Variants in ZFP30 observed in about 807,000 individuals in gnomAD.
ZFP30 encodes the protein zinc finger protein 30 homolog.
In ZFP30, 16 loss-of-function variants were observed where a neutral mutation model predicts 12.3. The observed-to-expected ratio is 1.30, with a 90% CI of 0.88 to 1.98. The LOEUF is 1.98. Ranked by LOEUF, ZFP30 falls within the 30% of genes most tolerant of loss-of-function variation. The probability of loss-of-function intolerance (pLI) is 0.00; values close to 1 mark genes in which losing one functional copy is unlikely to be tolerated. For synonymous variants in ZFP30, 172 were observed against 201.0 expected, an observed-to-expected ratio of 0.86 and a Z score of 1.22; for missense variants, 560 against 611.2, an observed-to-expected ratio of 0.92 and a Z score of 0.88.
chr19:37,651,887 G>A (rs2044658464), intron 2 of ZFP30, among the ~76,000 whole-genome samples: 1 of 150,636 alleles, frequency 6.6e-6, no homozygotes, highest in Admixed American at 6.6e-5. Context: ...CTAAATTTTA[G>A]AAAACAGTTA....
rs1057173195 is a variant in ZFP30, at chr19:37,655,430, G to C, written c.-256C>G. 2.0e-5 allele frequency: 3 copies of C among 152,466 alleles called. No homozygotes were observed. The highest frequency in any genetic ancestry group is 7.2e-5 in the African/African-American group (3 of 41,484). The allele number at this position is 152,466 out of a possible 1,614,324, so 9.4% of individuals were successfully genotyped here. On this transcript the variant is annotated 5_prime_UTR_variant, in exon 1 of 6. Transcript: ENST00000684514. ...CAGCCCCAGCCTCACCCGACTCAGA[G>C]GATAGCCCAGCCCTGGGAGTCAGCG...
chr19:37,654,929 G>C (rs905943008), intron 1 of ZFP30, 50 bp from the exon 2 acceptor site: 1 of 152,218 alleles, frequency 6.6e-6, no homozygotes, highest in Non-Finnish European at 1.5e-5. Flanking sequence ...AGTCACCCGC[G>C]TCTGGGTTCG....
At chr19:37,654,168 G>A (rs902035126) in intron 2 of ZFP30, among the ~76,000 whole-genome samples, 1 of 152,066 alleles carries the variant, frequency 6.6e-6, no homozygotes, top group African/African-American at 2.4e-5. Flanking sequence ...GCTTAAACTC[G>A]TTCAGATTTA....
rs775454375 is a variant in ZFP30, at chr19:37,635,094, G to C, written c.1447C>G (p.Gln483Glu). Residue 483 changes from glutamine to glutamate, a missense_variant, in exon 6 of 6, where the codon CAA (glutamine) becomes GAA (glutamate). By Grantham distance (29) the Gln-to-Glu change is conservative (BLOSUM62 2). Coordinates refer to ENST00000684514, the MANE Select transcript of ZFP30 (RefSeq NM_001320669.3). ...KAFRLHSSLI[Q>E]HQRIHSGEKP... ...TCACCAGAATGAATTCTCTGATGTT[G>C]AATCAGTGATGAATGAAGTCTAAAG... The C allele has an allele frequency of 1.2e-6, 2 of 1,613,560 alleles. No homozygotes were observed. Among genetic ancestry groups the C allele is most frequent in the Non-Finnish European group, 1.7e-6 (2 of 1,179,762 alleles).
chr19:37,638,716 C>A (rs2044377591), intron 5 of ZFP30, among the ~76,000 whole-genome samples: 1 of 152,010 alleles, frequency 6.6e-6, no homozygotes, highest in African/African-American at 2.4e-5. Context: ...GGTGAATAAA[C>A]AAAACTAGAC....
chr19:37,636,747 G>T (rs1450305142), intron 5 of ZFP30, among the ~76,000 whole-genome samples: 1 of 150,898 alleles, frequency 6.6e-6, no homozygotes. Context: ...CGGAGTCTCT[G>T]TCGCCCAGGT....
rs1041662900 is a variant in ZFP30, at chr19:37,633,754, T to C, written c.*1227A>G. The C allele has an allele frequency of 6.6e-6, 1 of 152,170 alleles. No individual in the cohort carries two copies. Among genetic ancestry groups the C allele is most frequent in the African/African-American group, 2.4e-5 (1 of 41,440 alleles). The allele number at this position is 152,170 out of a possible 1,614,324, so 9.4% of individuals were successfully genotyped here. A position where few individuals can be genotyped will look rare whatever the true frequency, so the allele number is the denominator to read the frequency against. ...AAATTTTAAATACACAAAAGTAGAA[T>C]AGCAAAAACAAAACAAATAAAAACC... On this transcript the variant is annotated 3_prime_UTR_variant, in exon 6 of 6. Transcript: ENST00000684514.
chr19:37,643,052 CAAAAAAA>C (rs951396776), intron 5 of ZFP30, among the ~76,000 whole-genome samples: 18 of 61,418 alleles, frequency 2.9e-4, no homozygotes, highest in African/African-American at 8.7e-4. Flanking sequence ...GACTCCGTCT[CAAAAAAA>C]AAAAAAAAAA....
At chr19:37,655,507 G>C (rs1391546689), upstream of ZFP30, 2 of 152,390 alleles carry the variant, frequency 1.3e-5, no homozygotes, top group South Asian at 2.1e-4. Context: ...GCTAGCGCGC[G>C]GGGGGGCGGA....
intron 2 of ZFP30, among the ~76,000 whole-genome samples, chr19:37,654,342 G>GA (rs1380765953): frequency 1.3e-5 from 2 of 151,798 alleles, no homozygotes; most frequent in Non-Finnish European, 2.9e-5. Context: ...GAATTTCCTG[G>GA]AAAAAAAGAA....
chr19:37,643,118 T>C (rs2044471368), intron 5 of ZFP30, 147 bp downstream of exon 5: 1 of 574,426 alleles, frequency 1.7e-6, no homozygotes, highest in South Asian at 2.6e-5. Context: ...ATGAAATGTC[T>C]TTGATGGCTC....
At chr19:37,646,508 A>G (rs890312502) in intron 3 of ZFP30, among the ~76,000 whole-genome samples, 4 of 152,208 alleles carry the variant, frequency 2.6e-5, no homozygotes. Flanking sequence ...TGAAGACTTT[A>G]GAAGCAAAAA....
chr19:37,635,003 T>A lies in ZFP30; in HGVS notation c.1538A>T (p.Gln513Leu). 1.3e-6 allele frequency: 2 copies of A among 1,554,520 alleles called. No individual in the cohort carries two copies. Among genetic ancestry groups the A allele is most frequent in the South Asian group, 1.2e-5 (1 of 81,350 alleles). Residue 513 changes from glutamine to leucine, a missense_variant, in exon 6 of 6, where the codon CAG becomes CTG. Gln to Leu is a moderately radical substitution (Grantham distance 113). Coordinates refer to ENST00000684514, the MANE Select transcript of ZFP30 (RefSeq NM_001320669.3). The part of the protein sequence containing the change: ...FRQHSHLTYH[Q>L]RIHNVT The stretch of plus-strand genomic sequence containing the variant: ...TTATTAAGTTACATTATGAATTCGC[T>A]GATGGTAAGTAAGATGTGAATGTTG...
chr19:37,654,988 C>A (rs1285231158), intron 1 of ZFP30, 109 bp from the exon 2 acceptor site: 1 of 152,266 alleles, frequency 6.6e-6, no homozygotes, highest in Non-Finnish European at 1.5e-5. Flanking sequence ...ACGCCCGGGA[C>A]CACCCACTGT....
chr19:37,645,905 ATTCT>A (rs1443490303), intron 3 of ZFP30, among the ~76,000 whole-genome samples: 1 of 152,078 alleles, frequency 6.6e-6, no homozygotes, highest in Admixed American at 6.6e-5. Context: ...ATTATAACAG[ATTCT>A]TTATTTAATA....
In ZFP30 at chr19:37,634,890, C is replaced by G; in HGVS notation, c.*91G>C. On this transcript the variant is annotated 3_prime_UTR_variant, in exon 6 of 6. Coordinates refer to ENST00000684514, the MANE Select transcript of ZFP30 (RefSeq NM_001320669.3). ...CCTATGCTTAGTTGTGAGCATGAAG[C>G]AAAAGGGATTCCCACGTTCAAAAAC... is the stretch of plus-strand genomic sequence containing the variant. The G allele has an allele frequency of 7.3e-7, 1 of 1,362,198 alleles. No individual in the cohort carries two copies. The highest frequency in any genetic ancestry group is 9.6e-7 in the Non-Finnish European group (1 of 1,037,964). 84.4% of individuals were successfully genotyped at this position (1,362,198 alleles called of 1,614,324 possible). A position where few individuals can be genotyped will look rare whatever the true frequency, so the allele number is the denominator to read the frequency against.
chr19:37,635,492 C>CGA lies in ZFP30; in HGVS notation c.1048_1049insTC (p.Gly350ValfsTer21), dbSNP rs1218681954. On this transcript the variant is annotated frameshift_variant, in exon 6 of 6. Transcript: ENST00000684514. LOFTEE classifies it low-confidence loss of function (END_TRUNC). ...TTCCTTACAATCATAAGGCTTCTCACCAGTGTGAATTCTCTGATGGAGAGT... is the reference window on the plus strand; with the variant it reads ...TTCCTTACAATCATAAGGCTTCTCACGACAGTGTGAATTCTCTGATGGAGAGT... 1 of 1,614,034 alleles carries CGA rather than the reference C, an allele frequency of 6.2e-7. No individual in the cohort carries two copies. The highest frequency in any genetic ancestry group is 8.5e-7 in the Non-Finnish European group (1 of 1,180,044).
rs192932568 is a variant in ZFP30 at position 37,644,589 on chromosome 19, A to C, written c.136+21T>G. 5.4e-3 allele frequency: 8,409 copies of C among 1,561,074 alleles called. 28 individuals are homozygous for C. Among genetic ancestry groups the C allele is most frequent in the Non-Finnish European group, 6.5e-3 (7,483 of 1,158,832 alleles). ...GTCCTGTGAATGTCTAAATTATCTG[A>C]CACAGATATGCTAGGCTTACCCAGT... is the stretch of plus-strand genomic sequence containing the variant. On this transcript the variant is annotated intron_variant, in intron 4 of 5. Transcript: ENST00000684514.
intron 5 of ZFP30, among the ~76,000 whole-genome samples, chr19:37,637,269 A>G (rs1486025330): frequency 2.0e-5 from 3 of 148,770 alleles, no homozygotes; most frequent in African/African-American, 7.5e-5. Flanking sequence ...GAATGGCGCA[A>G]TCTCGGCTTA....
Sources: allele counts gnomAD v4.1 joint callset (sites outside exome capture counted in the v4.1 genomes callset), GRCh38; gene constraint gnomAD v4.1.1; transcripts MANE v1.5; gene names NCBI Gene and HGNC (gene_info 2026-07-23, HGNC 2026-07-21).